MROH1: variants seen among roughly 807,000 people sequenced by gnomAD.
The protein encoded by MROH1 is maestro heat like repeat family member 1, also known as maestro heat-like repeat-containing protein family member 1.
In MROH1, 117 loss-of-function variants were observed where a neutral mutation model predicts 116.5. That is an observed-to-expected ratio of 1.00 (90% CI 0.86 to 1.17). The LOEUF is 1.17. MROH1 is among the 50% of genes most tolerant of loss of function. The pLI is 0.00. For missense variants in MROH1, 1,873 were observed against 1,338.5 expected, an observed-to-expected ratio of 1.40 and a Z score of -6.23; for synonymous variants, 921 against 583.9, an observed-to-expected ratio of 1.58 and a Z score of -8.32.
Position 144,260,180 on chromosome 8 carries a change from C to A in MROH1, c.4192-6C>A. 1 of 764,670 alleles carries A rather than the reference C, an allele frequency of 1.3e-6. No individual in the cohort carries two copies. Among genetic ancestry groups the A allele is most frequent in the South Asian group, 1.3e-5 (1 of 74,498 alleles). 47.4% of individuals were successfully genotyped at this position (764,670 alleles called of 1,614,324 possible). On this transcript the variant is annotated splice_region_variant and splice_polypyrimidine_tract_variant and intron_variant, in intron 38 of 43. Transcript: ENST00000326134. The stretch of plus-strand genomic sequence containing the variant: ...GGGACCCAGGCTGAGTGTAAGGTAT[C>A]CTCAGGTGCGAACCCACGGCCCCCA...
At chr8:144,195,234 G>GCT (rs1356678746) in intron 10 of MROH1, among the ~76,000 whole-genome samples, 2 of 72,638 alleles carry the variant, frequency 2.8e-5, no homozygotes, top group African/African-American at 4.1e-5. Flanking sequence ...GAGTGCCATG[G>GCT]CTCATGCCTG....
chr8:144,240,641 G>A lies in MROH1; in HGVS notation c.1899G>A (p.Arg633=). The change falls in exon 20 of 44, where the codon AGG becomes AGA. Residue 633 remains arginine, a synonymous_variant. Coordinates refer to ENST00000326134, the MANE Select transcript of MROH1 (RefSeq NM_032450.3). ...GCCAGCTGAGCCTGGAGCTGTGCAG[G>A]CAGCTGCCCTGCTACGATGAGGCAC... ...WICQLSLELC[R]QLPCYDEAPQ... is the part of the protein sequence containing the mutation. The A allele has an allele frequency of 1.4e-6, 1 of 717,548 alleles. No homozygotes were observed. Among genetic ancestry groups the A allele is most frequent in the Non-Finnish European group, 2.6e-6 (1 of 384,954 alleles). 44.4% of individuals were successfully genotyped at this position (717,548 alleles called of 1,614,324 possible). A position where few individuals can be genotyped will look rare whatever the true frequency, so the allele number is the denominator to read the frequency against.
intron 4 of MROH1, among the ~76,000 whole-genome samples, chr8:144,177,573 A>T (rs1212496122): frequency 6.6e-6 from 1 of 152,200 alleles, no homozygotes; most frequent in South Asian, 2.1e-4. Flanking sequence ...GTCAGAGTGG[A>T]TGAGGGGAGT....
chr8:144,191,653 A>G (rs1828630345), intron 8 of MROH1, 62 bp from the exon 9 acceptor site: 5 of 1,588,078 alleles, frequency 3.1e-6, no homozygotes, highest in Non-Finnish European at 4.3e-6. Flanking sequence ...CTTGCTGGAC[A>G]TGCTCTGAGC....
intron 38 of MROH1, 63 bp downstream of exon 38, chr8:144,260,120 C>T (rs1844732678): frequency 6.7e-6 from 5 of 750,674 alleles, no homozygotes; most frequent in South Asian, 4.2e-5. Flanking sequence ...TGCATGGAGG[C>T]CACCCTGTCT....
At chr8:144,219,780 C>T (rs570360709) in intron 12 of MROH1, among the ~76,000 whole-genome samples, 55 of 152,280 alleles carry the variant, frequency 3.6e-4, no homozygotes, top group African/African-American at 1.2e-3. Flanking sequence ...GCCTCGAAAC[C>T]GACAGTGAGA....
chr8:144,158,138 G>A (rs1818638287), intron 1 of MROH1, among the ~76,000 whole-genome samples: 2 of 151,778 alleles, frequency 1.3e-5, no homozygotes, highest in African/African-American at 2.4e-5. Flanking sequence ...GACTACAGGT[G>A]CATACCACCA....
In MROH1 at chr8:144,191,727, G is replaced by T. The variant is rs756359066; in HGVS notation, c.727G>T (p.Val243Leu). 1 of 1,612,624 alleles carries T rather than the reference G, an allele frequency of 6.2e-7. No individual in the cohort carries two copies. The highest frequency in any genetic ancestry group is 8.5e-7 in the Non-Finnish European group (1 of 1,179,660). The part of the protein sequence containing the change: ...QSREAKLRLA[V>L]VEALGPMSHL... ...TGTCCCCTCTCAGCTCCGTCTTGCC[G>T]TGGTGGAGGCTCTGGGGCCTATGAG... Residue 243 changes from valine (V) to leucine (L), a missense_variant, in exon 9 of 44, where the codon GTG (valine) becomes TTG (leucine). Transcript: ENST00000326134.
At chr8:144,183,412 CAG>C (rs1176995246) in intron 7 of MROH1, among the ~76,000 whole-genome samples, 6 of 149,490 alleles carry the variant, frequency 4.0e-5, no homozygotes, top group Admixed American at 1.3e-4. Context: ...AATAACACAA[CAG>C]GGGTGGGCTT....
intron 7 of MROH1, among the ~76,000 whole-genome samples, chr8:144,188,449 ATTTTTTTTTTTTTTTTTTTT>A (rs573524223): frequency 6.8e-4 from 31 of 45,812 alleles, no homozygotes; most frequent in African/African-American, 2.6e-3. Context: ...CCACTGCCCA[ATTTTTTTTTTTTTTTTTTTT>A]TTTTTTTTTT....
intron 4 of MROH1, among the ~76,000 whole-genome samples, chr8:144,175,741 C>T (rs1479195389): frequency 6.6e-6 from 1 of 151,910 alleles, no homozygotes; most frequent in Non-Finnish European, 1.5e-5. Flanking sequence ...CTGGGCAACA[C>T]AGACCCCATC....
At chr8:144,208,071 G>A (rs1023753223) in intron 12 of MROH1, among the ~76,000 whole-genome samples, 10 of 151,744 alleles carry the variant, frequency 6.6e-5, no homozygotes, top group East Asian at 1.9e-4. Flanking sequence ...TCAGCCTCCC[G>A]AGTATCTGGG....
At chr8:144,156,385 G>T (rs1011430980) in intron 1 of MROH1, among the ~76,000 whole-genome samples, 30 of 151,918 alleles carry the variant, frequency 2.0e-4, no homozygotes, top group Non-Finnish European at 3.4e-4. Flanking sequence ...AGATGATCGT[G>T]ATGTGAATTA....
chr8:144,151,878 G>T (rs1197052682), intron 1 of MROH1, among the ~76,000 whole-genome samples: 1 of 152,248 alleles, frequency 6.6e-6, no homozygotes, highest in African/African-American at 2.4e-5. Flanking sequence ...CCTTTCCGCA[G>T]CACCGTGCTG....
chr8:144,232,896 G>A (rs939860940), intron 14 of MROH1, among the ~76,000 whole-genome samples: 2 of 151,314 alleles, frequency 1.3e-5, no homozygotes, highest in Non-Finnish European at 2.9e-5. Flanking sequence ...ATGCAATCAT[G>A]GCTTACTGCA....
chr8:144,196,199 A>T (rs1326913198), intron 10 of MROH1, among the ~76,000 whole-genome samples: 1 of 150,562 alleles, frequency 6.6e-6, no homozygotes, highest in African/African-American at 2.4e-5. Context: ...CTGAGGCAGG[A>T]GAATTGCTTG....
At chr8:144,222,007 G>A (rs1251239397) in intron 13 of MROH1, among the ~76,000 whole-genome samples, 2 of 152,170 alleles carry the variant, frequency 1.3e-5, no homozygotes, top group Admixed American at 1.3e-4. Flanking sequence ...CATGGTTACT[G>A]GGCGAGGCTG....
Position 144,190,881 on chromosome 8 carries a change from C to T in MROH1, c.660C>T (p.Ile220=). The T allele has an allele frequency of 3.1e-6, 5 of 1,613,836 alleles. No homozygotes were observed. The highest frequency in any genetic ancestry group is 4.2e-6 in the Non-Finnish European group (5 of 1,179,888). The change falls in exon 8 of 44, where the codon ATC becomes ATT. Residue 220 remains isoleucine (I), a synonymous_variant. Transcript: ENST00000326134. ...GGAAGGACGCCTTTGCCACCGACAT[C>T]TTCAGCGCCTACGATGTTCTCTTCC... is the stretch of plus-strand genomic sequence containing the variant. The part of the protein sequence containing the change: ...TVRKDAFATD[I]FSAYDVLFHQ...
intron 1 of MROH1, among the ~76,000 whole-genome samples, chr8:144,150,918 C>T (rs1816576324): frequency 1.3e-5 from 2 of 152,158 alleles, no homozygotes; most frequent in Admixed American, 1.3e-4. Flanking sequence ...CCAAGACCAC[C>T]CTGGCCTGCC....
Sources: gnomAD v4.1 joint callset for allele counts (sites outside exome capture counted in the v4.1 genomes callset) on GRCh38, gnomAD v4.1.1 for gene constraint, MANE v1.5 for transcripts, NCBI Gene and HGNC (gene_info 2026-07-23, HGNC 2026-07-21) for gene names.